The following HECW1 variants were observed in gnomAD, a reference collection of about 807,000 sequenced individuals.
HECW1 encodes the protein E3 ubiquitin-protein ligase HECW1.
HECW1 carries 61 observed loss-of-function variants against 182.3 expected under a neutral mutation model. The observed-to-expected ratio is 0.33, with a 90% CI of 0.27 to 0.41. HECW1 has a LOEUF of 0.41. HECW1 is among the 10% of genes least tolerant of loss of function. HECW1 has a pLI of 1.00. For synonymous variants in HECW1, 859 were observed against 832.6 expected (o/e 1.03, Z -0.55); for missense variants, 1,739 against 2,108.9 (o/e 0.82, Z 3.44).
At chr7:43,348,444 T>C (rs748231791) in intron 5 of HECW1, among the ~76,000 whole-genome samples, 4 of 152,180 alleles carry the variant, frequency 2.6e-5, no homozygotes, top group Non-Finnish European at 5.9e-5. Flanking sequence ...GTCAATTTTA[T>C]TTATCTTTTC....
chr7:43,363,916 A>T (rs1227410724), intron 6 of HECW1, among the ~76,000 whole-genome samples: 1 of 152,182 alleles, frequency 6.6e-6, no homozygotes, highest in Non-Finnish European at 1.5e-5. Flanking sequence ...GGTATAATCT[A>T]GCAACTTTCC....
intron 8 of HECW1, among the ~76,000 whole-genome samples, chr7:43,408,823 T>A (rs1292167645): frequency 2.0e-5 from 3 of 152,166 alleles, no homozygotes; most frequent in African/African-American, 7.2e-5. Flanking sequence ...TGGGGTATAA[T>A]GTAGGTTAAA....
At chr7:43,278,763 C>A (rs1444898986) in intron 3 of HECW1, among the ~76,000 whole-genome samples, 1 of 152,156 alleles carries the variant, frequency 6.6e-6, no homozygotes, top group Admixed American at 6.5e-5. Flanking sequence ...TTCTCCTCCT[C>A]CTCCTAAGTC....
intron 2 of HECW1, among the ~76,000 whole-genome samples, chr7:43,166,203 C>T (rs1474302189): frequency 1.3e-5 from 2 of 152,184 alleles, no homozygotes; most frequent in Non-Finnish European, 2.9e-5. Context: ...CTTGCCTCAG[C>T]CTCCCAAGTA....
chr7:43,376,633 G>A (rs1329390250), intron 6 of HECW1, among the ~76,000 whole-genome samples: 2 of 152,160 alleles, frequency 1.3e-5, no homozygotes, highest in African/African-American at 4.8e-5. Context: ...GGGAGGCCTA[G>A]GCAAGTGGAT....
Position 43,508,921 on chromosome 7 carries a change from C to G in HECW1, c.3867-48C>G. ...GAATCTGGGTGCAAACAGGTCCCCC[C>G]ACCTCCGGGCACAGAATGAGCTTCC... On this transcript the variant is annotated intron_variant, in intron 23 of 29. Coordinates refer to ENST00000395891, the MANE Select transcript of HECW1 (RefSeq NM_015052.5). 3 of 1,598,504 alleles carry G rather than the reference C, an allele frequency of 1.9e-6. No individual in the cohort carries two copies. In the Admixed American group the frequency reaches 5.2e-5, roughly 27 times the overall value.
chr7:43,551,752 AT>A (rs2081836203), intron 27 of HECW1, among the ~76,000 whole-genome samples: 2 of 152,338 alleles, frequency 1.3e-5, no homozygotes, highest in Non-Finnish European at 2.9e-5. Context: ...CTATAACAAA[AT>A]ACTGTGAGGT....
At chr7:43,291,536 A>G (rs935385467) in intron 3 of HECW1, among the ~76,000 whole-genome samples, 3 of 152,270 alleles carry the variant, frequency 2.0e-5, no homozygotes, top group African/African-American at 7.2e-5. Flanking sequence ...TTTAGCAGCT[A>G]CATAGGATAG....
intron 2 of HECW1, chr7:43,241,417 C>T (rs1256510895): frequency 6.6e-6 from 1 of 152,118 alleles, no homozygotes; most frequent in Non-Finnish European, 1.5e-5. Context: ...TTTATGAAGT[C>T]TCCACTTCTG....
chr7:43,456,507 G>C (rs2077408567), intron 13 of HECW1, 60 bp downstream of exon 13: 1 of 1,527,594 alleles, frequency 6.5e-7, no homozygotes, highest in Non-Finnish European at 8.9e-7. Flanking sequence ...ATGGCAGCTA[G>C]AGACGCTCCC....
intron 8 of HECW1, among the ~76,000 whole-genome samples, chr7:43,408,421 G>A (rs1449777813): frequency 2.0e-5 from 3 of 151,846 alleles, no homozygotes. Flanking sequence ...CACTTATTTG[G>A]CCAGGCAAGG....
intron 8 of HECW1, among the ~76,000 whole-genome samples, chr7:43,408,719 C>A (rs1047108414): frequency 2.0e-5 from 3 of 152,032 alleles, no homozygotes; most frequent in Admixed American, 1.3e-4. Flanking sequence ...TCATCACCAC[C>A]CATTTGGCTG....
rs764680613 is a variant in HECW1, at chr7:43,432,088, A to G, written c.802-5915A>G. Among the ~76,000 whole-genome samples, 9 of 151,996 alleles carry G rather than the reference A, an allele frequency of 5.9e-5. No homozygotes were observed. The highest frequency in any genetic ancestry group is 1.2e-4 in the Non-Finnish European group (8 of 68,002). On this transcript the variant is annotated intron_variant, in intron 8 of 29. Coordinates refer to ENST00000395891, the MANE Select transcript of HECW1 (RefSeq NM_015052.5). The surrounding 1 kb of genome is among the most constrained non-coding windows in gnomAD (Gnocchi z 4.1). ...TGTGATCTACCCACCTCGGCCTTCC[A>G]AAGTGCTGGGATTACAGGCATGAGC...
chr7:43,265,952 G>GC (rs1396150175), intron 3 of HECW1, among the ~76,000 whole-genome samples: 1 of 152,168 alleles, frequency 6.6e-6, no homozygotes, highest in African/African-American at 2.4e-5. Flanking sequence ...GAAACTTGAG[G>GC]GGGGGTGTGG....
At chr7:43,323,903 A>G (rs893347326) in intron 5 of HECW1, among the ~76,000 whole-genome samples, 3 of 152,032 alleles carry the variant, frequency 2.0e-5, no homozygotes, top group Non-Finnish European at 4.4e-5. Flanking sequence ...GCACGGTGGC[A>G]TGAGCCTGTA....
chr7:43,357,280 T>C (rs961740447), intron 5 of HECW1, among the ~76,000 whole-genome samples: 11 of 152,208 alleles, frequency 7.2e-5, no homozygotes, highest in Non-Finnish European at 2.9e-5. Flanking sequence ...ACTCCCATGT[T>C]GATTGCAGTA....
At chr7:43,548,735 A>C (rs2081669206) in intron 26 of HECW1, among the ~76,000 whole-genome samples, 1 of 152,106 alleles carries the variant, frequency 6.6e-6, no homozygotes, top group Non-Finnish European at 1.5e-5. Flanking sequence ...TGAGGCCAGG[A>C]GCTCAAGACC....
rs182431823 is a variant in HECW1, at chr7:43,364,180, T to C, written c.555+3200T>C. Reference sequence around the variant, plus strand: ...CATTCTTTGAAAAGGAGGAACAAGCTGTCACATGCTCCTTTGGTGTAATCA... The same window carrying C: ...CATTCTTTGAAAAGGAGGAACAAGCCGTCACATGCTCCTTTGGTGTAATCA... On this transcript the variant is annotated intron_variant, in intron 6 of 29. Coordinates refer to ENST00000395891, the MANE Select transcript of HECW1 (RefSeq NM_015052.5). Among the ~76,000 whole-genome samples the C allele has an allele frequency of 1.2e-4, 19 of 152,330 alleles. No individual in the cohort carries two copies. The East Asian group carries it at 3.7e-3, about 29-fold the overall frequency.
chr7:43,407,921 C>A (rs1239382247), intron 8 of HECW1, among the ~76,000 whole-genome samples, 190 bp downstream of exon 8: 1 of 152,158 alleles, frequency 6.6e-6, no homozygotes, highest in Non-Finnish European at 1.5e-5. Flanking sequence ...TCCATCCGGA[C>A]AGTACTAACA....
Sources: allele counts gnomAD v4.1 joint callset (sites outside exome capture counted in the v4.1 genomes callset), GRCh38; gene constraint gnomAD v4.1.1; non-coding constraint Gnocchi (gnomAD v3.1); transcripts MANE v1.5; gene names NCBI Gene and HGNC (gene_info 2026-07-23, HGNC 2026-07-21).